The following GAB1 variants were observed in gnomAD, a reference collection of about 807,000 sequenced individuals.
The protein encoded by GAB1 is GRB2 associated binding protein 1, also known as GRB2-associated-binding protein 1.
Under a neutral mutation model 66.5 loss-of-function variants are expected in GAB1, and 19 were observed. The ratio of observed to expected loss-of-function variants is 0.29; its 90% CI spans 0.20 to 0.42. The LOEUF (loss-of-function observed/expected upper bound fraction) is 0.42, where lower values mean the gene tolerates loss of function less well. Among genes scored for constraint, GAB1 ranks in the 10% least tolerant of loss-of-function variants. The pLI, the probability that GAB1 is intolerant of heterozygous loss-of-function variation, is 1.00. For missense variants in GAB1, 732 were observed against 858.5 expected (o/e 0.85, Z 1.84); for synonymous variants, 294 against 301.4 (o/e 0.98, Z 0.25).
chr4:143,402,699 A>C (rs1324112437), intron 1 of GAB1, among the ~76,000 whole-genome samples: 1 of 152,044 alleles, frequency 6.6e-6, no homozygotes, highest in Non-Finnish European at 1.5e-5. Flanking sequence ...TCCCTGTTCT[A>C]CCCTTCTTCG....
At chr4:143,341,671 A>C (rs1186995694) in intron 1 of GAB1, among the ~76,000 whole-genome samples, 1 of 152,180 alleles carries the variant, frequency 6.6e-6, no homozygotes, top group Admixed American at 6.5e-5. Context: ...TAACAGGACA[A>C]CTCTTGTCTG....
chr4:143,403,623 T>C (rs1488802070), intron 1 of GAB1, among the ~76,000 whole-genome samples: 1 of 152,208 alleles, frequency 6.6e-6, no homozygotes, highest in African/African-American at 2.4e-5. Context: ...GTAGCCCTCA[T>C]GGGGAAAGAG....
chr4:143,433,599 C>G lies in GAB1; in HGVS notation c.476C>G (p.Pro159Arg). The G allele has an allele frequency of 1.2e-6, 2 of 1,613,946 alleles. No homozygotes were observed. Among genetic ancestry groups the G allele is most frequent in the Middle Eastern group, 1.6e-4 (1 of 6,062 alleles). Reference protein sequence around the residue: ...TQADSSSATLPPPYQLINVPP... With the variant: ...TQADSSSATLRPPYQLINVPP... ...GCAGATTCATCCTCTGCTACTCTACCTCCTCCATATCAGCTAATCAATGTT... is the reference window on the plus strand; with the variant it reads ...GCAGATTCATCCTCTGCTACTCTACGTCCTCCATATCAGCTAATCAATGTT... Residue 159 changes from proline to arginine, a missense_variant, in exon 3 of 10, where the codon CCT (proline) becomes CGT (arginine). Around this residue, in one of 4 missense-constraint regions of GAB1, gnomAD observed 427 missense variants for 420.6 expected, o/e 1.02. Transcript: ENST00000262994.
intron 1 of GAB1, among the ~76,000 whole-genome samples, chr4:143,394,605 C>G (rs1731349056): frequency 6.6e-6 from 1 of 152,020 alleles, no homozygotes; most frequent in Admixed American, 6.6e-5. Flanking sequence ...AATTCTGTAC[C>G]CCTTAGCCAC....
chr4:143,451,661 T>G (rs1467686880), intron 6 of GAB1, among the ~76,000 whole-genome samples: 1 of 152,164 alleles, frequency 6.6e-6, no homozygotes, highest in Non-Finnish European at 1.5e-5. Flanking sequence ...TCACTTTTCT[T>G]TCTCAGAGAG....
intron 1 of GAB1, among the ~76,000 whole-genome samples, chr4:143,355,197 G>A (rs79659969): frequency 1.2e-3 from 178 of 152,270 alleles, no homozygotes; most frequent in African/African-American, 4.1e-3. Context: ...GAAATACCCT[G>A]AGTCCAAGGC....
intron 1 of GAB1, among the ~76,000 whole-genome samples, chr4:143,413,071 G>T (rs1405857262): frequency 1.3e-5 from 2 of 152,144 alleles, no homozygotes; most frequent in Non-Finnish European, 2.9e-5. Context: ...ATTTTAGAAA[G>T]ATTTGCGTGC....
At chr4:143,363,324 A>G (rs753370991) in intron 1 of GAB1, among the ~76,000 whole-genome samples, 4 of 152,226 alleles carry the variant, frequency 2.6e-5, no homozygotes, top group African/African-American at 9.7e-5. Context: ...CTACAGACTC[A>G]GGAGTCATAA....
chr4:143,385,984 T>A (rs1309606995), intron 1 of GAB1, among the ~76,000 whole-genome samples: 21 of 151,830 alleles, frequency 1.4e-4, no homozygotes, highest in African/African-American at 2.7e-4. Context: ...TACAAAAATT[T>A]AAAAAAAACT....
At chr4:143,403,422 A>C (rs1165204083) in intron 1 of GAB1, among the ~76,000 whole-genome samples, 2 of 152,136 alleles carry the variant, frequency 1.3e-5, no homozygotes, top group Non-Finnish European at 2.9e-5. Flanking sequence ...AAGTTGACAG[A>C]AAAAAGAAAG....
intron 1 of GAB1, among the ~76,000 whole-genome samples, chr4:143,358,747 C>T (rs1729544226): frequency 6.6e-6 from 1 of 152,162 alleles, no homozygotes; most frequent in Admixed American, 6.5e-5. Context: ...TCAGTAGGTT[C>T]ATCAGATTAA....
At chr4:143,421,534 C>T (rs1375586098) in intron 2 of GAB1, among the ~76,000 whole-genome samples, 1 of 151,968 alleles carries the variant, frequency 6.6e-6, no homozygotes, top group East Asian at 1.9e-4. Flanking sequence ...TGAGAGTTTA[C>T]TTTACATTCT....
rs1323740126 is a variant in GAB1, at chr4:143,438,168, G to C, written c.763G>C (p.Asp255His). ...PPSRAPSASVDSSLYNLPRSY... is the reference protein window; with the variant it reads ...PPSRAPSASVHSSLYNLPRSY... ...TTCACGTGCCCCATCTGCTTCAGTT[G>C]ACTCCAGCCTTTATAACCTGCCCAG... The change falls in exon 4 of 10, where the codon GAC becomes CAC. Residue 255 changes from aspartate (D) to histidine (H), a missense_variant. Physicochemically the swap from Asp to His is moderately conservative, Grantham distance 81. Around this residue, in one of 4 missense-constraint regions of GAB1, gnomAD observed 427 missense variants for 420.6 expected, o/e 1.02. Transcript: ENST00000262994. 1 of 1,613,874 alleles carries C rather than the reference G, an allele frequency of 6.2e-7. No individual in the cohort carries two copies. The highest frequency in any genetic ancestry group is 1.7e-5 in the Admixed American group (1 of 59,946).
At chr4:143,388,277 T>C (rs1182334019) in intron 1 of GAB1, among the ~76,000 whole-genome samples, 4 of 152,200 alleles carry the variant, frequency 2.6e-5, no homozygotes, top group Non-Finnish European at 5.9e-5. Context: ...ATCAGTTTCA[T>C]CTAGTAGGTG....
intron 1 of GAB1, among the ~76,000 whole-genome samples, chr4:143,394,292 A>G (rs1467485105): frequency 2.0e-5 from 3 of 151,920 alleles, no homozygotes; most frequent in African/African-American, 7.3e-5. Flanking sequence ...CAAAACAAAA[A>G]AAAGGTAGTC....
intron 6 of GAB1, among the ~76,000 whole-genome samples, chr4:143,447,694 C>T (rs1453741417): frequency 1.3e-5 from 2 of 152,162 alleles, no homozygotes; most frequent in Non-Finnish European, 2.9e-5. Flanking sequence ...TGAGCTGAGA[C>T]AATGGGGTTT....
At chr4:143,388,152 A>T (rs1237317381) in intron 1 of GAB1, among the ~76,000 whole-genome samples, 3 of 152,110 alleles carry the variant, frequency 2.0e-5, no homozygotes, top group African/African-American at 7.2e-5. Context: ...TATACCAAGT[A>T]CTATATATAA....
chr4:143,412,565 CAAAT>C (rs1374246055), intron 1 of GAB1, among the ~76,000 whole-genome samples: 2 of 152,018 alleles, frequency 1.3e-5, no homozygotes, highest in South Asian at 4.1e-4. Flanking sequence ...ACGTACTACA[CAAAT>C]AAATACAAAG....
chr4:143,451,951 A>G (rs868607212), intron 6 of GAB1, among the ~76,000 whole-genome samples: 9 of 152,042 alleles, frequency 5.9e-5, no homozygotes, highest in African/African-American at 2.2e-4. Flanking sequence ...TGAATGTCTG[A>G]AGCACGTCAG....
Sources: gnomAD v4.1 joint callset for allele counts (sites outside exome capture counted in the v4.1 genomes callset) on GRCh38, gnomAD v4.1.1 for gene constraint, gnomAD v4.1.1 regional missense constraint, MANE v1.5 for transcripts, NCBI Gene and HGNC (gene_info 2026-07-23, HGNC 2026-07-21) for gene names.